Variants in ADCY1 observed in about 807,000 individuals in gnomAD.
ADCY1 encodes adenylate cyclase type 1.
ADCY1 carries 28 observed loss-of-function variants against 105.4 expected under a neutral mutation model. That is an observed-to-expected ratio of 0.27 (90% CI 0.20 to 0.36). The LOEUF is 0.36. ADCY1 is among the 10% of genes least tolerant of loss of function. The pLI is 1.00. For synonymous variants in ADCY1, 655 were observed against 623.8 expected (o/e 1.05, Z -0.75); for missense variants, 977 against 1,434.2 (o/e 0.68, Z 5.15).
intron 8 of ADCY1, among the ~76,000 whole-genome samples, chr7:45,671,718 T>G (rs1784371595): frequency 6.6e-6 from 1 of 152,244 alleles, no homozygotes; most frequent in Non-Finnish European, 1.5e-5. Flanking sequence ...TATCCATATG[T>G]TCTCTTGCCC....
intron 1 of ADCY1, among the ~76,000 whole-genome samples, chr7:45,578,553 G>A (rs1792420619): frequency 6.6e-6 from 1 of 152,186 alleles, no homozygotes; most frequent in South Asian, 2.1e-4. Context: ...AGGACCATGG[G>A]GTATTAGGAA....
chr7:45,616,335 T>A (rs1488367834), intron 3 of ADCY1, among the ~76,000 whole-genome samples: 1 of 152,218 alleles, frequency 6.6e-6, no homozygotes. Flanking sequence ...AGCATTGTCC[T>A]GATACTAAAG....
chr7:45,630,899 C>T (rs918428643), intron 4 of ADCY1, among the ~76,000 whole-genome samples: 3 of 151,950 alleles, frequency 2.0e-5, no homozygotes, highest in Non-Finnish European at 2.9e-5. Flanking sequence ...CTGGGGGTCT[C>T]GGGAGGCATG....
In ADCY1 at chr7:45,660,030, C is replaced by G. The variant is rs1584312396; in HGVS notation, c.1308-12C>G. 4 of 1,613,960 alleles carry G rather than the reference C, an allele frequency of 2.5e-6. No individual in the cohort carries two copies. The highest frequency in any genetic ancestry group is 2.7e-5 in the African/African-American group (2 of 75,056). ...TCCCCACTCATCTGGCCTCTGCCTC[C>G]TCCTTTTGTAGGAAGGTTCATATCA... On this transcript the variant is annotated splice_polypyrimidine_tract_variant and intron_variant, in intron 6 of 19. Transcript: ENST00000297323.
intron 19 of ADCY1, among the ~76,000 whole-genome samples, chr7:45,712,578 C>T (rs1785281551): frequency 6.6e-6 from 1 of 151,732 alleles, no homozygotes; most frequent in African/African-American, 2.4e-5. Flanking sequence ...GCTTGGGCTT[C>T]CTACCACCCC....
At chr7:45,704,487 C>T (rs1420215704) in intron 16 of ADCY1, 31 bp from the exon 17 acceptor site, 2 of 1,592,250 alleles carry the variant, frequency 1.3e-6, no homozygotes, top group African/African-American at 1.3e-5. Flanking sequence ...AATGTTATGT[C>T]ATGTTTAACA....
At chr7:45,592,936 A>T in intron 2 of ADCY1, 28 bp downstream of exon 2, 1 of 1,612,302 alleles carries the variant, frequency 6.2e-7, no homozygotes, top group Non-Finnish European at 8.5e-7. Flanking sequence ...GTCAGCCTAG[A>T]GGGGTTGGCT....
At chr7:45,694,095 C>T (rs1398155432) in intron 14 of ADCY1, among the ~76,000 whole-genome samples, 1 of 102,368 alleles carries the variant, frequency 9.8e-6, no homozygotes, top group African/African-American at 3.5e-5. Flanking sequence ...TGCACATGTA[C>T]CCTAAAACTT....
At chr7:45,599,748 T>C (rs1158227715) in intron 2 of ADCY1, among the ~76,000 whole-genome samples, 1 of 151,802 alleles carries the variant, frequency 6.6e-6, no homozygotes, top group African/African-American at 2.4e-5. Context: ...TACCTCAGCC[T>C]CCCGAGTAGC....
chr7:45,646,202 T>C (rs563822639), intron 4 of ADCY1, among the ~76,000 whole-genome samples: 1 of 152,230 alleles, frequency 6.6e-6, no homozygotes, highest in Non-Finnish European at 1.5e-5. Flanking sequence ...GAGCTGACTG[T>C]GGGCCTGGAG....
At chr7:45,617,127 CAG>C (rs745924019) in intron 3 of ADCY1, among the ~76,000 whole-genome samples, 19 of 152,222 alleles carry the variant, frequency 1.2e-4, no homozygotes, top group Non-Finnish European at 1.9e-4. Context: ...TAGCTTTTAG[CAG>C]AGTGTGCATT....
At chr7:45,672,782 T>C (rs1784389171) in intron 8 of ADCY1, among the ~76,000 whole-genome samples, 1 of 152,190 alleles carries the variant, frequency 6.6e-6, no homozygotes, top group Admixed American at 6.5e-5. Context: ...TTCTTTCCCA[T>C]CTGTATGCCT....
chr7:45,622,941 C>G (rs760884579), intron 4 of ADCY1, among the ~76,000 whole-genome samples, 198 bp downstream of exon 4: 1 of 152,174 alleles, frequency 6.6e-6, no homozygotes, highest in Middle Eastern at 3.2e-3. Flanking sequence ...CTTGCATTTA[C>G]CAGATAAGAA....
At chr7:45,657,993 T>TGAGTGCTCCTGGAG (rs1794987815) in intron 6 of ADCY1, 108 bp downstream of exon 6, 3 of 1,273,686 alleles carry the variant, frequency 2.4e-6, no homozygotes, top group Non-Finnish European at 3.2e-6. Flanking sequence ...GGCACTTGTG[T>TGAGTGCTCCTGGAG]GAGTGCTCCT....
intron 14 of ADCY1, among the ~76,000 whole-genome samples, chr7:45,690,816 C>T (rs987502579): frequency 6.6e-6 from 1 of 152,248 alleles, no homozygotes; most frequent in African/African-American, 2.4e-5. Flanking sequence ...GGTGATCCAG[C>T]TGGCTGGTCT....
At chr7:45,585,657 A>G (rs1427865121) in intron 1 of ADCY1, among the ~76,000 whole-genome samples, 1 of 152,088 alleles carries the variant, frequency 6.6e-6, no homozygotes, top group Non-Finnish European at 1.5e-5. Flanking sequence ...CATGTTGGTC[A>G]GGCTGGTCTT....
chr7:45,698,985 T>A (rs1424679588), intron 14 of ADCY1, among the ~76,000 whole-genome samples: 9 of 152,220 alleles, frequency 5.9e-5, no homozygotes, highest in African/African-American at 2.2e-4. Flanking sequence ...CATTCTGTGT[T>A]TAAAATACAG....
Position 45,681,327 on chromosome 7 carries a change from C to G in ADCY1, c.1983+1534C>G, listed in dbSNP as rs549881670. On this transcript the variant is annotated intron_variant, in intron 11 of 19. Coordinates refer to ENST00000297323, the MANE Select transcript of ADCY1 (RefSeq NM_021116.4). Reference sequence around the variant, plus strand: ...GCTAGCCTGCAGTTATCCCATGAAGCTTCTTCTGTATTCCAGTGTTTTGTT... The same window carrying G: ...GCTAGCCTGCAGTTATCCCATGAAGGTTCTTCTGTATTCCAGTGTTTTGTT... Among the ~76,000 whole-genome samples the G allele has an allele frequency of 8.5e-5, 13 of 152,278 alleles. No homozygotes were observed. The South Asian group carries it at 2.1e-3, about 24-fold the overall frequency.
intron 1 of ADCY1, among the ~76,000 whole-genome samples, chr7:45,580,341 A>C (rs891417014): frequency 3.9e-5 from 6 of 152,162 alleles, no homozygotes; most frequent in African/African-American, 1.4e-4. Flanking sequence ...CAGCTCCTTC[A>C]TGGACCGGAG....
Sources: gnomAD v4.1 joint callset for allele counts (sites outside exome capture counted in the v4.1 genomes callset) on GRCh38, gnomAD v4.1.1 for gene constraint, MANE v1.5 for transcripts, NCBI Gene and HGNC (gene_info 2026-07-23, HGNC 2026-07-21) for gene names.